Variants in NPSR1 observed in about 807,000 individuals in gnomAD.
NPSR1 encodes the protein neuropeptide S receptor.
NPSR1 carries 48 observed loss-of-function variants against 46.9 expected under a neutral mutation model. The observed-to-expected ratio is 1.02, with a 90% CI of 0.81 to 1.30. The LOEUF is 1.30. Ranked by LOEUF, NPSR1 falls within the 50% of genes most tolerant of loss-of-function variation. The pLI, the probability that NPSR1 is intolerant of heterozygous loss-of-function variation, is 0.00. For missense variants in NPSR1, 450 were observed against 449.5 expected (o/e 1.00, Z -0.01); for synonymous variants, 176 against 168.1 (o/e 1.05, Z -0.36).
intron 1 of NPSR1, among the ~76,000 whole-genome samples, chr7:34,669,469 T>A (rs1296556661): frequency 6.6e-6 from 1 of 151,528 alleles, no homozygotes; most frequent in African/African-American, 2.4e-5. Context: ...AGGCTGAGGC[T>A]GAGGCAGGAG....
At chr7:34,803,608 C>G (rs749512919) in intron 3 of NPSR1, among the ~76,000 whole-genome samples, 2 of 151,738 alleles carry the variant, frequency 1.3e-5, no homozygotes, top group Non-Finnish European at 2.9e-5. Context: ...AGGAGATATA[C>G]CTAATGCTAA....
chr7:34,668,243 G>A (rs191071249), intron 1 of NPSR1, among the ~76,000 whole-genome samples: 6 of 152,240 alleles, frequency 3.9e-5, no homozygotes, highest in Non-Finnish European at 8.8e-5. Flanking sequence ...AAAATGTCAG[G>A]GAATATTGTG....
chr7:34,732,041 C>T (rs1313553173), intron 2 of NPSR1, among the ~76,000 whole-genome samples: 1 of 143,390 alleles, frequency 7.0e-6, no homozygotes, highest in Non-Finnish European at 1.5e-5. Flanking sequence ...CCAGGCTCCA[C>T]GGCATTCCAG....
chr7:34,827,030 C>T (rs372341906), intron 4 of NPSR1, among the ~76,000 whole-genome samples: 1 of 152,176 alleles, frequency 6.6e-6, no homozygotes, highest in East Asian at 1.9e-4. Flanking sequence ...CAAGAGACTG[C>T]ATATGGGTAG....
Position 34,834,462 on chromosome 7 carries a change from T to G in NPSR1, c.757+2T>G. 1 of 1,606,006 alleles carries G rather than the reference T, an allele frequency of 6.2e-7. No homozygotes were observed. Among genetic ancestry groups the G allele is most frequent in the Non-Finnish European group, 8.5e-7 (1 of 1,172,730 alleles). On this transcript the variant is annotated splice_donor_variant, in intron 6 of 8. Transcript: ENST00000360581. LOFTEE classifies it high-confidence loss of function. ...AAACAGTGATTTCCAACTGCTCAGG[T>G]AAGTCTCTACTCTGCATGGCCCAAT... is the stretch of plus-strand genomic sequence containing the variant.
intron 2 of NPSR1, among the ~76,000 whole-genome samples, chr7:34,770,275 C>T (rs1264903499): frequency 6.6e-6 from 1 of 152,190 alleles, no homozygotes; most frequent in African/African-American, 2.4e-5. Context: ...TGAAAATCTT[C>T]ATGACATTCC....
chr7:34,750,445 G>T (rs570437618), intron 2 of NPSR1: 1 of 742,008 alleles, frequency 1.3e-6, no homozygotes, highest in Non-Finnish European at 2.5e-6. Flanking sequence ...CTGGTGTGAC[G>T]AAGTCATTGT....
chr7:34,772,174 C>T (rs770414413), intron 2 of NPSR1, among the ~76,000 whole-genome samples: 2 of 152,136 alleles, frequency 1.3e-5, no homozygotes. Flanking sequence ...CATGCCATAC[C>T]CTGAGCTCCT....
At chr7:34,694,832 C>T (rs1191748225) in intron 2 of NPSR1, among the ~76,000 whole-genome samples, 1 of 152,170 alleles carries the variant, frequency 6.6e-6, no homozygotes, top group Non-Finnish European at 1.5e-5. Flanking sequence ...GCCTCAGCCT[C>T]CTGAGTAGCT....
chr7:34,836,740 TAGA>T (rs1349559686), intron 6 of NPSR1, among the ~76,000 whole-genome samples: 6 of 133,274 alleles, frequency 4.5e-5, no homozygotes, highest in Admixed American at 4.0e-4. Context: ...GAAAGATGGG[TAGA>T]AGAAGAGAGG....
intron 2 of NPSR1, among the ~76,000 whole-genome samples, chr7:34,706,740 T>G (rs73326713): frequency 0.029 from 4,358 of 152,284 alleles, 64 homozygotes; most frequent in African/African-American, 0.036. Flanking sequence ...CAGGGTTTCT[T>G]GAGCTAAAGT....
At chr7:34,760,301 C>G (rs980548493) in intron 2 of NPSR1, among the ~76,000 whole-genome samples, 1 of 152,196 alleles carries the variant, frequency 6.6e-6, no homozygotes, top group Non-Finnish European at 1.5e-5. Context: ...TGCATCAGCA[C>G]CAACAACAGC....
At chr7:34,700,731 C>T (rs1385162098) in intron 2 of NPSR1, among the ~76,000 whole-genome samples, 1 of 152,192 alleles carries the variant, frequency 6.6e-6, no homozygotes, top group African/African-American at 2.4e-5. Flanking sequence ...AGCATTTCTA[C>T]TTCTGAGCCC....
At chr7:34,710,736 A>T in intron 2 of NPSR1, 1 of 382,794 alleles carries the variant, frequency 2.6e-6, no homozygotes, top group Non-Finnish European at 5.0e-6. Flanking sequence ...TTCTGCCTAT[A>T]AGCATCAACT....
intron 4 of NPSR1, among the ~76,000 whole-genome samples, chr7:34,825,669 C>T (rs553588618): frequency 9.2e-5 from 14 of 152,258 alleles, no homozygotes; most frequent in African/African-American, 3.4e-4. Flanking sequence ...AGCAAGACCC[C>T]ACAGGATAAT....
chr7:34,751,680 G>T (rs747488120), intron 2 of NPSR1: 3 of 1,590,542 alleles, frequency 1.9e-6, no homozygotes, highest in East Asian at 2.2e-5. Flanking sequence ...GGGACAAGAG[G>T]TTCATCAACA....
chr7:34,806,614 G>A (rs551493873), intron 3 of NPSR1, among the ~76,000 whole-genome samples: 1 of 152,144 alleles, frequency 6.6e-6, no homozygotes, highest in South Asian at 2.1e-4. Context: ...AAAACCCATA[G>A]AACTGTCCAA....
chr7:34,753,157 T>C (rs773789163), intron 2 of NPSR1, among the ~76,000 whole-genome samples: 4 of 151,984 alleles, frequency 2.6e-5, no homozygotes, highest in Admixed American at 6.6e-5. Context: ...GGCAACACGA[T>C]GGGGACTTCA....
At chr7:34,834,601 C>T in intron 6 of NPSR1, 141 bp downstream of exon 6, 1 of 660,142 alleles carries the variant, frequency 1.5e-6, no homozygotes, top group Non-Finnish European at 2.7e-6. Flanking sequence ...CCAGACCCAC[C>T]AAAGGCTGTC....
Sources: gnomAD v4.1 joint callset for allele counts (sites outside exome capture counted in the v4.1 genomes callset) on GRCh38, gnomAD v4.1.1 for gene constraint, MANE v1.5 for transcripts, NCBI Gene and HGNC (gene_info 2026-07-23, HGNC 2026-07-21) for gene names.